The following PPM1A variants were observed in gnomAD, a reference collection of about 807,000 sequenced individuals.
The protein encoded by PPM1A is protein phosphatase 1A.
PPM1A carries 7 observed loss-of-function variants against 35.0 expected under a neutral mutation model. The observed-to-expected ratio is 0.20, with a 90% confidence interval of 0.11 to 0.38. PPM1A has a LOEUF of 0.38. Among genes scored for constraint, PPM1A ranks in the 10% least tolerant of loss-of-function variants. The pLI is 1.00. For missense variants in PPM1A, 239 were observed against 467.8 expected, an observed-to-expected ratio of 0.51 and a Z score of 4.51; for synonymous variants, 153 against 167.3, an observed-to-expected ratio of 0.91 and a Z score of 0.66.
At chr14:60,287,975 T>C (rs8017100) in intron 3 of PPM1A, 330,503 of 982,738 alleles carry the variant, frequency 0.34, 58,224 homozygotes, top group African/African-American at 0.59. Context: ...TATATATAAA[T>C]ATTCTTTAGA....
intron 1 of PPM1A, among the ~76,000 whole-genome samples, chr14:60,262,641 G>A (rs570563251): frequency 6.6e-6 from 1 of 152,282 alleles, no homozygotes; most frequent in African/African-American, 2.4e-5. Context: ...AGTTGTGATC[G>A]TGCCATTGCA....
At chr14:60,250,414 CAGCT>C (rs1595249602) in intron 1 of PPM1A, 3 of 984,782 alleles carry the variant, frequency 3.0e-6, no homozygotes, top group Non-Finnish European at 3.6e-6. Context: ...TCTTGAAAGA[CAGCT>C]GGCTGTGGAG....
At chr14:60,286,965 A>AAAT (rs1887084541) in intron 3 of PPM1A, 1 of 886,420 alleles carries the variant, frequency 1.1e-6, no homozygotes, top group Non-Finnish European at 1.4e-6. Context: ...TACAATTTTA[A>AAAT]AATATTTAGA....
In PPM1A at chr14:60,249,278, A is replaced by C; in HGVS notation, c.-420A>C. 1 of 969,364 alleles carries C rather than the reference A, an allele frequency of 1.0e-6. No individual in the cohort carries two copies. Among genetic ancestry groups the C allele is most frequent in the African/African-American group, 1.9e-5 (1 of 51,862 alleles). The allele number at this position is 969,364 out of a possible 1,614,324, so 60.0% of individuals were successfully genotyped here. A position where few individuals can be genotyped will look rare whatever the true frequency, so the allele number is the denominator to read the frequency against. ...GGACGGGAGCGCGCGCGGGAGCTAGAGAGCAGTGGTCTCGGCGCTCGTCCG... is the reference window on the plus strand; with the variant it reads ...GGACGGGAGCGCGCGCGGGAGCTAGCGAGCAGTGGTCTCGGCGCTCGTCCG... On this transcript the variant is annotated 5_prime_UTR_variant, in exon 1 of 6. Transcript: ENST00000395076. This position sits in a 1 kb window ranked among gnomAD's most constrained non-coding sequence, Gnocchi z 4.5.
intron 1 of PPM1A, among the ~76,000 whole-genome samples, chr14:60,276,285 A>T (rs1885750675): frequency 1.3e-5 from 2 of 152,150 alleles, no homozygotes; most frequent in African/African-American, 4.8e-5. Flanking sequence ...CTGTTTGTTA[A>T]CGTTCCTTTT....
In PPM1A at chr14:60,273,628, G is replaced by A. The variant is rs891271643; in HGVS notation, c.-20-9056G>A. Among the ~76,000 whole-genome samples, 4 of 152,168 alleles carry A rather than the reference G, an allele frequency of 2.6e-5. No individual in the cohort carries two copies. The highest frequency in any genetic ancestry group is 7.2e-5 in the African/African-American group (3 of 41,434). ...AAAGATTTACTTAGGCTGCAGTTTG[G>A]AGAATGAATTAGAGGGATGCCAGGA... On this transcript the variant is annotated intron_variant, in intron 1 of 5. Transcript: ENST00000395076. This position sits in a 1 kb window ranked among gnomAD's most constrained non-coding sequence, Gnocchi z 4.3.
rs1882406846 is a variant in PPM1A, at chr14:60,251,459, G to GT, written c.-21+1783dup. Among the ~76,000 whole-genome samples the GT allele has an allele frequency of 2.0e-5, 3 of 152,218 alleles. No individual in the cohort carries two copies. In the South Asian group the frequency reaches 6.2e-4, roughly 32 times the overall value. On this transcript the variant is annotated intron_variant, in intron 1 of 5. Coordinates refer to ENST00000395076, the MANE Select transcript of PPM1A (RefSeq NM_021003.5). ...ATGACCTGTTGAAGGGAACAGTGCA[G>GT]TAGGAGACAAGGATTGTTTAGTCAT...
rs1227965282 is a variant in PPM1A, at chr14:60,297,718, A to C, written c.*5236A>C. The C allele has an allele frequency of 6.6e-6, 1 of 151,764 alleles. No homozygotes were observed. The highest frequency in any genetic ancestry group is 6.6e-5 in the Admixed American group (1 of 15,222). 9.4% of individuals were successfully genotyped at this position (151,764 alleles called of 1,614,324 possible). On this transcript the variant is annotated 3_prime_UTR_variant, in exon 6 of 6. Transcript: ENST00000395076. ...GGGTAGCTGCGGAACAAAATTAGTTATATCCTAATTAGGTACAGTGAATGA... is the reference window on the plus strand; with the variant it reads ...GGGTAGCTGCGGAACAAAATTAGTTCTATCCTAATTAGGTACAGTGAATGA...
chr14:60,291,473 C>T lies in PPM1A; in HGVS notation c.1119+19C>T, dbSNP rs1887626364. On this transcript the variant is annotated intron_variant, in intron 5 of 5. Transcript: ENST00000395076. ...CGACACTGTAAGTAGCATTTTAGCTCCCTCTGCTTTCCCTTCCCCTCCACT... is the reference window on the plus strand; with the variant it reads ...CGACACTGTAAGTAGCATTTTAGCTTCCTCTGCTTTCCCTTCCCCTCCACT... The T allele has an allele frequency of 6.4e-7, 1 of 1,554,578 alleles. No homozygotes were observed. The highest frequency in any genetic ancestry group is 1.2e-5 in the South Asian group (1 of 84,722).
intron 1 of PPM1A, among the ~76,000 whole-genome samples, chr14:60,252,708 T>C (rs1281011719): frequency 6.6e-6 from 1 of 152,240 alleles, no homozygotes; most frequent in African/African-American, 2.4e-5. Flanking sequence ...TAGCCATTTG[T>C]ATATGAAATA....
At chr14:60,250,335 T>C (rs1024885001) in intron 1 of PPM1A, 8 of 687,424 alleles carry the variant, frequency 1.2e-5, no homozygotes. Context: ...GTAAAACTTC[T>C]TGATGTTAGA....
At chr14:60,266,944 C>G in intron 1 of PPM1A, among the ~76,000 whole-genome samples, 1 of 152,134 alleles carries the variant, frequency 6.6e-6, no homozygotes. Context: ...CTGAAGCCCT[C>G]TTCTTAAAAA....
intron 1 of PPM1A, among the ~76,000 whole-genome samples, chr14:60,278,831 C>A (rs1418437666): frequency 6.6e-6 from 1 of 152,172 alleles, no homozygotes; most frequent in Non-Finnish European, 1.5e-5. Flanking sequence ...GTAATTAGAT[C>A]TGTTTTTGAT....
chr14:60,250,638 A>G (rs139706272), intron 1 of PPM1A, among the ~76,000 whole-genome samples: 4 of 152,346 alleles, frequency 2.6e-5, no homozygotes, highest in Non-Finnish European at 5.9e-5. Flanking sequence ...AGTGGTTGGA[A>G]GAGTATGAGA....
At chr14:60,256,577 TTA>T (rs2139351039) in intron 1 of PPM1A, among the ~76,000 whole-genome samples, 1 of 152,360 alleles carries the variant, frequency 6.6e-6, no homozygotes, top group East Asian at 1.9e-4. Context: ...TGTGTTCCTC[TTA>T]TGTTTTCCTA....
intron 4 of PPM1A, among the ~76,000 whole-genome samples, chr14:60,290,515 C>G (rs1050236048): frequency 3.3e-5 from 5 of 152,104 alleles, no homozygotes; most frequent in African/African-American, 1.2e-4. Flanking sequence ...AAAATTCAAG[C>G]AATTCCAAGG....
chr14:60,251,461 A>G (rs1385724874), intron 1 of PPM1A, among the ~76,000 whole-genome samples: 2 of 152,248 alleles, frequency 1.3e-5, no homozygotes, highest in Admixed American at 6.5e-5. Context: ...ACAGTGCAGT[A>G]GGAGACAAGG....
intron 5 of PPM1A, among the ~76,000 whole-genome samples, 166 bp downstream of exon 5, chr14:60,291,620 C>CTAGT (rs1044053519): frequency 2.6e-4 from 40 of 152,080 alleles, no homozygotes; most frequent in Admixed American, 7.9e-4. Flanking sequence ...CACCACAGTT[C>CTAGT]TAGTGATTGA....
At chr14:60,274,228 A>T (rs1885485398) in intron 1 of PPM1A, among the ~76,000 whole-genome samples, 1 of 151,966 alleles carries the variant, frequency 6.6e-6, no homozygotes, top group South Asian at 2.1e-4. Context: ...TTCTGGAGGG[A>T]GTGTTATAGT....
Sources: gnomAD v4.1 joint callset for allele counts (sites outside exome capture counted in the v4.1 genomes callset) on GRCh38, gnomAD v4.1.1 for gene constraint, Gnocchi (gnomAD v3.1) non-coding constraint, MANE v1.5 for transcripts, NCBI Gene and HGNC (gene_info 2026-07-23, HGNC 2026-07-21) for gene names.